The following ITGAD variants were observed in gnomAD, a reference collection of about 807,000 sequenced individuals.
ITGAD encodes the protein integrin alpha-D.
A neutral mutation model predicts 139.0 loss-of-function variants in ITGAD; 105 were observed. The observed-to-expected ratio is 0.76, with a 90% CI of 0.65 to 0.89. The LOEUF is 0.89. ITGAD is among the 40% of genes least tolerant of loss of function. The probability of loss-of-function intolerance (pLI) is 0.00; values close to 1 mark genes in which losing one functional copy is unlikely to be tolerated. For synonymous variants in ITGAD, 569 were observed against 598.3 expected (o/e 0.95, Z 0.71); for missense variants, 1,384 against 1,487.3 (o/e 0.93, Z 1.14).
Position 31,426,350 on chromosome 16 carries a change from A to G in ITGAD, c.*222A>G. The G allele has an allele frequency of 2.1e-6, 1 of 486,410 alleles. No individual in the cohort carries two copies. Among genetic ancestry groups the G allele is most frequent in the South Asian group, 2.5e-5 (1 of 40,640 alleles). The allele number at this position is 486,410 out of a possible 1,614,324, so 30.1% of individuals were successfully genotyped here. ...TTACAGAAGCAGGCATGGTGCCAGC[A>G]TAAATTTTCATATGCTTAAGAATTG... On this transcript the variant is annotated 3_prime_UTR_variant, in exon 30 of 30. Transcript: ENST00000389202.
Position 31,423,468 on chromosome 16 carries a change from C to T in ITGAD, c.2967+9C>T, listed in dbSNP as rs748506321. The stretch of plus-strand genomic sequence containing the variant: ...TGGAGGCCCCATCTCAGGTACCCGC[C>T]TATCTCTCCTCTTTCTTCAGACTGA... On this transcript the variant is annotated intron_variant, in intron 25 of 29. Coordinates refer to ENST00000389202, the MANE Select transcript of ITGAD (RefSeq NM_005353.3). 9 of 1,611,454 alleles carry T rather than the reference C, an allele frequency of 5.6e-6. No homozygotes were observed. The Middle Eastern group carries it at 4.9e-4, about 88-fold the overall frequency.
In ITGAD at chr16:31,418,553, C is replaced by A; in HGVS notation, c.2769C>A (p.Thr923=). The part of the protein sequence containing the change: ...LELPVKYAVY[T]MISRQEESTK... ...TCCCGGTGAAGTATGCAGTCTACAC[C>A]ATGATCAGCAGGTGCCCAGTCCCTG... The change falls in exon 23 of 30, where the codon ACC becomes ACA. Residue 923 remains threonine, a synonymous_variant. Transcript: ENST00000389202. 6.2e-7 allele frequency: 1 copy of A among 1,613,980 alleles called. No individual in the cohort carries two copies. Among genetic ancestry groups the A allele is most frequent in the Non-Finnish European group, 8.5e-7 (1 of 1,179,872 alleles).
chr16:31,416,683 C>T (rs1230010647), intron 20 of ITGAD, 37 bp downstream of exon 20: 2 of 1,574,168 alleles, frequency 1.3e-6, no homozygotes, highest in African/African-American at 1.3e-5. Flanking sequence ...GAGGGGGCCT[C>T]TCCCCTGCCC....
At chr16:31,423,548 T>C in intron 25 of ITGAD, 23 bp from the exon 26 acceptor site, 1 of 1,611,560 alleles carries the variant, frequency 6.2e-7, no homozygotes, top group Non-Finnish European at 8.5e-7. Flanking sequence ...ATTCTGTGGC[T>C]AAGTGCTTCT....
chr16:31,419,425 G>C (rs1429503332), intron 23 of ITGAD, among the ~76,000 whole-genome samples: 1 of 152,168 alleles, frequency 6.6e-6, no homozygotes, highest in Non-Finnish European at 1.5e-5. Flanking sequence ...TTGTAGCCCA[G>C]GAGCAATAGG....
chr16:31,400,955 A>G (rs886226959), intron 5 of ITGAD, among the ~76,000 whole-genome samples: 5 of 152,096 alleles, frequency 3.3e-5, no homozygotes, highest in African/African-American at 9.7e-5. Flanking sequence ...GGTGGATGCA[A>G]TGCAATCATA....
chr16:31,417,959 C>A (rs1406612396), intron 20 of ITGAD, 116 bp from the exon 21 acceptor site: 1 of 832,586 alleles, frequency 1.2e-6, no homozygotes, highest in South Asian at 1.6e-5. Context: ...AAAAAAACAA[C>A]AACAAAAAAA....
chr16:31,403,395 T>A lies in ITGAD; in HGVS notation c.559-105T>A. 7.6e-7 allele frequency: 1 copy of A among 1,322,138 alleles called. No homozygotes were observed. Among genetic ancestry groups the A allele is most frequent in the East Asian group, 2.3e-5 (1 of 42,964 alleles). 81.9% of individuals were successfully genotyped at this position (1,322,138 alleles called of 1,614,324 possible). On this transcript the variant is annotated intron_variant, in intron 6 of 29. Transcript: ENST00000389202. This position sits in a 1 kb window ranked among gnomAD's most constrained non-coding sequence, Gnocchi z 4.4. ...CTACTTGGAGGCTGAGGCAGGAGGATCACTTGAGGCCAGGAGTTTGAGAGA... is the reference window on the plus strand; with the variant it reads ...CTACTTGGAGGCTGAGGCAGGAGGAACACTTGAGGCCAGGAGTTTGAGAGA...
In ITGAD at chr16:31,418,306, C is replaced by A; in HGVS notation, c.2622C>A (p.Thr874=). 6.2e-7 allele frequency: 1 copy of A among 1,613,982 alleles called. No homozygotes were observed. The highest frequency in any genetic ancestry group is 8.5e-7 in the Non-Finnish European group (1 of 1,179,890). ...HPIFHEGSNG[T]FIVTFDVSYK... is the part of the protein sequence containing the mutation. Reference sequence around the variant, plus strand: ...TTTCCTTCTTCTTCCCTCAGGGCACCTTCATAGTCACATTCGATGTCTCCT... The same window carrying A: ...TTTCCTTCTTCTTCCCTCAGGGCACATTCATAGTCACATTCGATGTCTCCT... The change falls in exon 22 of 30, where the codon ACC becomes ACA. Residue 874 remains threonine (T), a synonymous_variant. Transcript: ENST00000389202.
chr16:31,398,209 G>C (rs2081319692), intron 5 of ITGAD, among the ~76,000 whole-genome samples: 1 of 152,108 alleles, frequency 6.6e-6, no homozygotes, highest in Non-Finnish European at 1.5e-5. Context: ...CTGAGGTCAG[G>C]AGTTCGAGAC....
rs755193176 is a variant in ITGAD, at chr16:31,416,409, C to T, written c.2358-96C>T. ...TGATGTTCACTGGATTGTTATTGGC[C>T]CAGAGCTCCAGAGTTCCTGGGATTC... On this transcript the variant is annotated intron_variant, in intron 19 of 29. Transcript: ENST00000389202. The T allele has an allele frequency of 3.4e-4, 516 of 1,528,302 alleles. 1 individual carries two copies. The highest frequency in any genetic ancestry group is 4.1e-4 in the Non-Finnish European group (462 of 1,114,162). The allele number at this position is 1,528,302 out of a possible 1,614,324, so 94.7% of individuals were successfully genotyped here. A position where few individuals can be genotyped will look rare whatever the true frequency, so the allele number is the denominator to read the frequency against.
At position 31,415,964 on chromosome 16, in the gene ITGAD, G is replaced by A. The variant is rs185363529; in HGVS notation, c.2284-249G>A. Reference sequence around the variant, plus strand: ...CAATTATTGGCACTTAATAATGTTTGTGGAATAATTGTTCCAGGATAAGCT... The same window carrying A: ...CAATTATTGGCACTTAATAATGTTTATGGAATAATTGTTCCAGGATAAGCT... On this transcript the variant is annotated intron_variant, in intron 18 of 29. Coordinates refer to ENST00000389202, the MANE Select transcript of ITGAD (RefSeq NM_005353.3). Among the ~76,000 whole-genome samples the A allele has an allele frequency of 1.5e-3, 228 of 152,352 alleles. 1 individual carries two copies. Among genetic ancestry groups the A allele is most frequent in the African/African-American group, 5.1e-3 (211 of 41,574 alleles).
intron 29 of ITGAD, among the ~76,000 whole-genome samples, chr16:31,424,872 T>C (rs1597170041): frequency 6.6e-6 from 1 of 152,070 alleles, no homozygotes; most frequent in East Asian, 1.9e-4. Flanking sequence ...GTTCTGGGAT[T>C]ACAGGTGTGA....
Position 31,407,510 on chromosome 16 carries a change from G to C in ITGAD, c.705-5G>C. On this transcript the variant is annotated splice_region_variant and splice_polypyrimidine_tract_variant and intron_variant, in intron 7 of 29. Transcript: ENST00000389202. ...GTAGAGTCATCTTCCTTTCCTCCCCGACAGGACACAGCTATTTCATCATAA... is the reference window on the plus strand; with the variant it reads ...GTAGAGTCATCTTCCTTTCCTCCCCCACAGGACACAGCTATTTCATCATAA... The C allele has an allele frequency of 6.4e-7, 1 of 1,568,458 alleles. No individual in the cohort carries two copies. Among genetic ancestry groups the C allele is most frequent in the Non-Finnish European group, 8.7e-7 (1 of 1,155,706 alleles).
At chr16:31,412,518 C>T (rs182808481) in intron 14 of ITGAD, among the ~76,000 whole-genome samples, 22 of 152,286 alleles carry the variant, frequency 1.4e-4, no homozygotes, top group Admixed American at 8.5e-4. Flanking sequence ...GATGAGCAAA[C>T]GGAGGGACAG....
intron 5 of ITGAD, among the ~76,000 whole-genome samples, chr16:31,398,383 T>A (rs1404042671): frequency 6.8e-6 from 1 of 147,734 alleles, no homozygotes; most frequent in Non-Finnish European, 1.5e-5. Context: ...GCTGAGATTG[T>A]GCCATTGCAC....
intron 20 of ITGAD, among the ~76,000 whole-genome samples, chr16:31,417,260 G>A (rs2081916033): frequency 1.0e-5 from 1 of 96,600 alleles, no homozygotes; most frequent in African/African-American, 3.6e-5. Flanking sequence ...TTATTTTTTA[G>A]AGACAGGGTC....
rs1205923647 is a variant in ITGAD at position 31,397,642 on chromosome 16, C to T, written c.288C>T (p.Ala96=). The T allele has an allele frequency of 2.5e-6, 4 of 1,605,540 alleles. No individual in the cohort carries two copies. The highest frequency in any genetic ancestry group is 2.5e-6 in the Non-Finnish European group (3 of 1,179,650). Residue 96 remains alanine (A), a synonymous_variant, in exon 4 of 30, where the codon GCC becomes GCT. Coordinates refer to ENST00000389202, the MANE Select transcript of ITGAD (RefSeq NM_005353.3). The part of the protein sequence containing the change: ...VNMSLGLTLA[A]STNGSRLLAC... ...TGTCCTTGGGCCTGACCCTGGCAGCCTCCACCAACGGCTCCCGGCTCCTGG... is the reference window on the plus strand; with the variant it reads ...TGTCCTTGGGCCTGACCCTGGCAGCTTCCACCAACGGCTCCCGGCTCCTGG...
In ITGAD at chr16:31,421,687, T is replaced by C. The variant is rs533739168; in HGVS notation, c.2781-1427T>C. On this transcript the variant is annotated intron_variant, in intron 23 of 29. Transcript: ENST00000389202. ...TGGTCACAACTCTACTACAGGGAGG[T>C]TGCTACGGTTTGCATCCCCATTTTA... is the stretch of plus-strand genomic sequence containing the variant. Among the ~76,000 whole-genome samples the C allele has an allele frequency of 4.6e-5, 7 of 151,854 alleles. No individual in the cohort carries two copies. The South Asian group carries it at 1.5e-3, about 32-fold the overall frequency.
Sources: gnomAD v4.1 joint callset for allele counts (sites outside exome capture counted in the v4.1 genomes callset) on GRCh38, gnomAD v4.1.1 for gene constraint, Gnocchi (gnomAD v3.1) non-coding constraint, MANE v1.5 for transcripts, NCBI Gene and HGNC (gene_info 2026-07-23, HGNC 2026-07-21) for gene names.